The following HDGFL2 variants were observed in gnomAD, a reference collection of about 807,000 sequenced individuals.
HDGFL2 encodes the protein HDGF like 2.
HDGFL2 carries 36 observed loss-of-function variants against 77.1 expected under a neutral mutation model. The ratio of observed to expected loss-of-function variants is 0.47; its 90% confidence interval spans 0.36 to 0.62. The LOEUF (loss-of-function observed/expected upper bound fraction) is 0.62. Ranked by LOEUF, HDGFL2 falls within the 20% of genes least tolerant of loss-of-function variation. HDGFL2 has a pLI of 0.00. For missense variants in HDGFL2, 976 were observed against 973.4 expected (o/e 1.00, Z -0.04); for synonymous variants, 463 against 413.1 (o/e 1.12, Z -1.46).
At chr19:4,499,448 C>T in intron 13 of HDGFL2, 43 bp from the exon 14 acceptor site, 1 of 1,579,640 alleles carries the variant, frequency 6.3e-7, no homozygotes, top group Non-Finnish European at 8.6e-7. Context: ...GGGGCTAGGG[C>T]CGCTGCACTT....
Position 4,502,095 on chromosome 19 carries a change from T to C in HDGFL2, c.*85T>C, listed in dbSNP as rs192180444. On this transcript the variant is annotated 3_prime_UTR_variant, in exon 16 of 16. Transcript: ENST00000616600. ...CTCGCAGGAGAGCAGAGCAGAGAAC[T>C]GTGGGGAACGCTGTGCTGTTTGTAT... 71 of 948,582 alleles carry C rather than the reference T, an allele frequency of 7.5e-5. No individual in the cohort carries two copies. The African/African-American group carries it at 1.1e-3, about 15-fold the overall frequency. 58.8% of individuals were successfully genotyped at this position (948,582 alleles called of 1,614,324 possible).
chr19:4,496,199 C>G (rs1008937358), intron 9 of HDGFL2, 103 bp from the exon 10 acceptor site: 1 of 903,100 alleles, frequency 1.1e-6, no homozygotes, highest in East Asian at 2.6e-5. Context: ...GTGTGGAGGG[C>G]GACAGAAAGG....
chr19:4,490,265 T>G (rs1975473001), intron 4 of HDGFL2, among the ~76,000 whole-genome samples: 1 of 152,188 alleles, frequency 6.6e-6, no homozygotes, highest in South Asian at 2.1e-4. Context: ...TTTTGTGTTT[T>G]TGGTAGAGAC....
At chr19:4,492,936 GGTGT>G (rs142245463) in intron 6 of HDGFL2, among the ~76,000 whole-genome samples, 1,510 of 127,352 alleles carry the variant, frequency 0.012, 44 homozygotes, top group African/African-American at 0.046. Context: ...CTGTGTGTGT[GGTGT>G]GTGTGTGTGG....
intron 3 of HDGFL2, 37 bp downstream of exon 3, chr19:4,475,620 C>G (rs1356961326): frequency 6.5e-7 from 1 of 1,537,584 alleles, no homozygotes; most frequent in African/African-American, 1.4e-5. Flanking sequence ...GTGAAGCGCG[C>G]TACTGATGCA....
intron 10 of HDGFL2, chr19:4,497,025 C>G: frequency 2.6e-6 from 1 of 390,022 alleles, no homozygotes; most frequent in Non-Finnish European, 5.1e-6. Flanking sequence ...CAGGCACCCG[C>G]CACCACGCCT....
At chr19:4,473,009 C>T (rs975733957) in intron 1 of HDGFL2, among the ~76,000 whole-genome samples, 5 of 150,924 alleles carry the variant, frequency 3.3e-5, no homozygotes, top group African/African-American at 1.2e-4. Flanking sequence ...GAGAGTCGCT[C>T]CCTGGGAGTC....
chr19:4,493,996 C>T lies in HDGFL2; in HGVS notation c.853C>T (p.Pro285Ser), dbSNP rs2288931. The T allele has an allele frequency of 3.2e-4, 509 of 1,610,930 alleles. 8 individuals are homozygous for T. In the East Asian group the frequency reaches 0.011, roughly 34 times the overall value. The change falls in exon 8 of 16, where the codon CCG becomes TCG. Residue 285 changes from proline (P) to serine (S), a missense_variant. Physicochemically the swap from Pro to Ser is moderately conservative, Grantham distance 74. Around this residue, in one of 5 missense-constraint regions of HDGFL2, gnomAD observed 567 missense variants for 534.7 expected, o/e 1.06. Coordinates refer to ENST00000616600, the MANE Select transcript of HDGFL2 (RefSeq NM_001001520.3). ...RGRKPAEKPL[P>S]KPRGRKPKPE... ...TCTTCCTGTAGCGGAGAAGCCTCTC[C>T]CGAAGCCGCGAGGGCGGAAACCGAA...
intron 14 of HDGFL2, among the ~76,000 whole-genome samples, chr19:4,500,233 T>C (rs967172892): frequency 2.2e-4 from 33 of 152,296 alleles, no homozygotes; most frequent in African/African-American, 7.0e-4. Flanking sequence ...ATGGGCGAGC[T>C]TGGGATGGGG....
At chr19:4,490,376 C>T (rs1389948316) in intron 4 of HDGFL2, among the ~76,000 whole-genome samples, 1 of 152,208 alleles carries the variant, frequency 6.6e-6, no homozygotes, top group Non-Finnish European at 1.5e-5. Flanking sequence ...TGAGCCACCG[C>T]GCCTGGCTGC....
intron 6 of HDGFL2, among the ~76,000 whole-genome samples, chr19:4,493,268 G>GGT (rs1230301857): frequency 1.9e-4 from 28 of 145,688 alleles, no homozygotes; most frequent in African/African-American, 5.8e-4. Context: ...GTGTGTGTGT[G>GGT]GTGTGTGTGT....
At chr19:4,487,345 C>T (rs1422315339) in intron 3 of HDGFL2, among the ~76,000 whole-genome samples, 4 of 152,082 alleles carry the variant, frequency 2.6e-5, no homozygotes, top group Non-Finnish European at 1.5e-5. Context: ...AAACCTCTGC[C>T]TCCTAGGCTC....
At chr19:4,497,198 T>C in intron 10 of HDGFL2, 1 of 436,786 alleles carries the variant, frequency 2.3e-6, no homozygotes, top group Non-Finnish European at 4.5e-6. Flanking sequence ...GTTTTTGTTT[T>C]TGTTTTTTTT....
At chr19:4,479,513 G>A (rs1261170925) in intron 3 of HDGFL2, among the ~76,000 whole-genome samples, 2 of 151,444 alleles carry the variant, frequency 1.3e-5, no homozygotes, top group African/African-American at 2.4e-5. Flanking sequence ...CCCGGGAGGC[G>A]GAGCTTGCAG....
At position 4,497,202 on chromosome 19, in the gene HDGFL2, T is replaced by G. The variant is rs72973994; in HGVS notation, c.1329-756T>G. 1.0e-5 allele frequency: 4 copies of G among 400,036 alleles called. No homozygotes were observed. In the Admixed American group the frequency reaches 1.0e-4, roughly 10 times the overall value. The allele number at this position is 400,036 out of a possible 1,614,324, so 24.8% of individuals were successfully genotyped here. A position where few individuals can be genotyped will look rare whatever the true frequency, so the allele number is the denominator to read the frequency against. On this transcript the variant is annotated intron_variant, in intron 10 of 15. Coordinates refer to ENST00000616600, the MANE Select transcript of HDGFL2 (RefSeq NM_001001520.3). ...CCCACGTTTTTGTTTTTGTTTTTGTTTTTTTTTGAGACAGAGTCTTGGGCT... is the reference window on the plus strand; with the variant it reads ...CCCACGTTTTTGTTTTTGTTTTTGTGTTTTTTTGAGACAGAGTCTTGGGCT...
chr19:4,498,978 G>A (rs1439874301), intron 13 of HDGFL2, 63 bp downstream of exon 13: 11 of 1,158,068 alleles, frequency 9.5e-6, no homozygotes, highest in African/African-American at 1.5e-5. Context: ...GTGCCTGCCC[G>A]GGAGCCCAGG....
chr19:4,478,001 A>G (rs1331886226), intron 3 of HDGFL2, among the ~76,000 whole-genome samples: 1 of 150,382 alleles, frequency 6.6e-6, no homozygotes, highest in Non-Finnish European at 1.5e-5. Flanking sequence ...AATTGCTTCA[A>G]CGCGGGAGGG....
intron 14 of HDGFL2, among the ~76,000 whole-genome samples, chr19:4,500,213 T>A (rs116885105): frequency 0.025 from 3,856 of 152,290 alleles, 75 homozygotes; most frequent in Non-Finnish European, 0.038. Flanking sequence ...AGCAGCCCTT[T>A]GGAGATGGGA....
rs1428725537 is a variant in HDGFL2, at chr19:4,501,747, G to A, written c.1917-164G>A. ...GCGCCAGCGTGGGGACCCTGGAGAT[G>A]GTTGTGGTCTCTAGTGGCAGAAGAC... On this transcript the variant is annotated intron_variant, in intron 15 of 15. Transcript: ENST00000616600. 1.1e-5 allele frequency: 6 copies of A among 559,080 alleles called. No individual in the cohort carries two copies. In the East Asian group the frequency reaches 1.9e-4, roughly 18 times the overall value. The allele number at this position is 559,080 out of a possible 1,614,324, so 34.6% of individuals were successfully genotyped here. A position where few individuals can be genotyped will look rare whatever the true frequency, so the allele number is the denominator to read the frequency against.
Sources: gnomAD v4.1 joint callset for allele counts (sites outside exome capture counted in the v4.1 genomes callset) on GRCh38, gnomAD v4.1.1 for gene constraint, gnomAD v4.1.1 regional missense constraint, MANE v1.5 for transcripts, NCBI Gene and HGNC (gene_info 2026-07-23, HGNC 2026-07-21) for gene names.